Variants in NAA35 observed in about 807,000 individuals in gnomAD.
NAA35 encodes the protein N-alpha-acetyltransferase 35, NatC auxiliary subunit.
NAA35 carries 18 observed loss-of-function variants against 101.7 expected under a neutral mutation model. The ratio of observed to expected loss-of-function variants is 0.18; its 90% CI spans 0.12 to 0.26. The LOEUF (loss-of-function observed/expected upper bound fraction) is 0.26. NAA35 is among the 10% of genes least tolerant of loss of function. NAA35 has a pLI of 1.00. For synonymous variants in NAA35, 267 were observed against 273.1 expected (o/e 0.98, Z 0.22); for missense variants, 601 against 886.8 (o/e 0.68, Z 4.09).
At chr9:85,987,674 C>T (rs1830710606) in intron 11 of NAA35, among the ~76,000 whole-genome samples, 1 of 152,130 alleles carries the variant, frequency 6.6e-6, no homozygotes, top group Non-Finnish European at 1.5e-5. Context: ...TCTCTAAAAC[C>T]AGCCAAAATC....
chr9:85,974,852 C>T (rs753990207), intron 6 of NAA35, 115 bp from the exon 7 acceptor site: 1 of 727,812 alleles, frequency 1.4e-6, no homozygotes, highest in South Asian at 1.8e-5. Flanking sequence ...CCTCCCATTT[C>T]TCTTTGTTTA....
rs766371180 is a variant in NAA35, at chr9:86,017,500, C to T, written c.1708C>T (p.Arg570Cys). The change falls in exon 19 of 23, where the codon CGC (arginine) becomes TGC (cysteine). Residue 570 changes from arginine to cysteine, a missense_variant and splice_region_variant. Arg to Cys is a radical substitution (Grantham distance 180, BLOSUM62 -3). Coordinates refer to ENST00000361671, the MANE Select transcript of NAA35 (RefSeq NM_024635.4). Reference sequence around the variant, plus strand: ...TACGTTTTTCTTTCTAATTACAGTTCGCCCATTGAGCCGAGAGATCACAAT... The same window carrying T: ...TACGTTTTTCTTTCTAATTACAGTTTGCCCATTGAGCCGAGAGATCACAAT... ...SKKTKKKKKVRPLSREITMSQ... is the reference protein window; with the variant it reads ...SKKTKKKKKVCPLSREITMSQ... 1.2e-6 allele frequency: 2 copies of T among 1,613,150 alleles called. No homozygotes were observed. The highest frequency in any genetic ancestry group is 1.7e-6 in the Non-Finnish European group (2 of 1,179,402).
intron 6 of NAA35, among the ~76,000 whole-genome samples, chr9:85,963,562 C>T (rs2117909365): frequency 6.6e-6 from 1 of 152,120 alleles, no homozygotes; most frequent in Admixed American, 6.5e-5. Context: ...AACCACTGTT[C>T]CTGGCTGTAT....
At chr9:85,945,258 G>T (rs562893044) in intron 2 of NAA35, among the ~76,000 whole-genome samples, 6 of 152,152 alleles carry the variant, frequency 3.9e-5, no homozygotes, top group Admixed American at 3.3e-4. Flanking sequence ...GCGCAAATGT[G>T]AGGTATCCTT....
rs538879545 is a variant in NAA35 at position 86,007,693 on chromosome 9, G to A, written c.1223+229G>A. On this transcript the variant is annotated intron_variant, in intron 14 of 22. Transcript: ENST00000361671. Reference sequence around the variant, plus strand: ...TAACTCCAAGTTTTTTGTCTCCAGCGTAAGTCCTTAAACTTTGCCGTAGTA... The same window carrying A: ...TAACTCCAAGTTTTTTGTCTCCAGCATAAGTCCTTAAACTTTGCCGTAGTA... 4.6e-5 allele frequency among the ~76,000 whole-genome samples: 7 copies of A among 152,256 alleles called. No individual in the cohort carries two copies. In the East Asian group the frequency reaches 5.8e-4, roughly 13 times the overall value.
intron 2 of NAA35, among the ~76,000 whole-genome samples, chr9:85,952,363 A>G (rs1392484124): frequency 1.4e-5 from 2 of 147,140 alleles, no homozygotes; most frequent in Non-Finnish European, 1.5e-5. Flanking sequence ...TCGGCTCACT[A>G]CAACTTCTAC....
chr9:85,996,493 A>C lies in NAA35; in HGVS notation c.972A>C (p.Glu324Asp). ...ATGCAAAAATAATTAAAAGGGAAGA[A>C]ATGGTGAACTATTTTGCAAGATTAA... ...PRYAKIIKRE[E>D]MVNYFARLID... is the part of the protein sequence containing the mutation. The change falls in exon 12 of 23, where the codon GAA becomes GAC. Residue 324 changes from glutamate to aspartate, a missense_variant. Physicochemically the swap from Glu to Asp is conservative, Grantham distance 45. Around this residue, in one of 8 missense-constraint regions of NAA35, gnomAD observed 190 missense variants for 223.1 expected, o/e 0.85. Transcript: ENST00000361671. 6.2e-7 allele frequency: 1 copy of C among 1,607,440 alleles called. No homozygotes were observed. Among genetic ancestry groups the C allele is most frequent in the Non-Finnish European group, 8.5e-7 (1 of 1,177,638 alleles).
intron 2 of NAA35, among the ~76,000 whole-genome samples, chr9:85,945,172 G>T (rs962865250): frequency 6.6e-6 from 1 of 152,098 alleles, no homozygotes; most frequent in Non-Finnish European, 1.5e-5. Flanking sequence ...GATAGAGAGG[G>T]GGTGACATGC....
At chr9:85,997,893 A>G (rs945842031) in intron 12 of NAA35, among the ~76,000 whole-genome samples, 10 of 151,592 alleles carry the variant, frequency 6.6e-5, no homozygotes, top group Non-Finnish European at 1.3e-4. Flanking sequence ...ATATTTATGT[A>G]TGTGTGTGTG....
intron 1 of NAA35, chr9:85,941,481 C>G (rs1308717593): frequency 1.0e-6 from 1 of 985,448 alleles, no homozygotes; most frequent in Non-Finnish European, 1.2e-6. Context: ...AGGCGACGAC[C>G]CGGCGCCGGA....
Position 85,978,279 on chromosome 9 carries a change from G to A in NAA35, c.775G>A (p.Ala259Thr), listed in dbSNP as rs1215139066. 1 of 1,610,152 alleles carries A rather than the reference G, an allele frequency of 6.2e-7. No homozygotes were observed. The highest frequency in any genetic ancestry group is 1.7e-4 in the Middle Eastern group (1 of 6,048). Residue 259 changes from alanine to threonine, a missense_variant, in exon 11 of 23, where the codon GCA becomes ACA. By Grantham distance (58) the Ala-to-Thr change is moderately conservative. Around this residue, in one of 8 missense-constraint regions of NAA35, gnomAD observed 190 missense variants for 223.1 expected, o/e 0.85. Transcript: ENST00000361671. The part of the protein sequence containing the change: ...AFTKKETSAV[A>T]EAQKLMVQAA... ...ATTTATTTGCTAGACCAGTGCTGTT[G>A]CAGAAGCTCAAAAATTGATGGTTCA... is the stretch of plus-strand genomic sequence containing the variant.
intron 2 of NAA35, among the ~76,000 whole-genome samples, chr9:85,951,663 A>AT (rs890675021): frequency 8.0e-5 from 12 of 150,686 alleles, no homozygotes; most frequent in East Asian, 3.9e-4. Context: ...TCTTCCAAAA[A>AT]TTTTTTTTTT....
At chr9:85,945,024 A>G (rs934812590) in intron 2 of NAA35, among the ~76,000 whole-genome samples, 2 of 152,222 alleles carry the variant, frequency 1.3e-5, no homozygotes, top group African/African-American at 2.4e-5. Context: ...TGTAAGAAAA[A>G]TTGAACCCAA....
rs1241348580 is a variant in NAA35 at position 85,975,083 on chromosome 9, T to G, written c.584-31T>G. On this transcript the variant is annotated intron_variant, in intron 7 of 22. Transcript: ENST00000361671. ...CACAAGTTTTACATTTTCATATGTT[T>G]CCTTTTAAAACTTATTGTTTCTTTT... The G allele has an allele frequency of 5.0e-6, 8 of 1,612,346 alleles. No homozygotes were observed. The African/African-American group carries it at 1.1e-4, about 22-fold the overall frequency.
At chr9:85,984,462 G>A (rs942030505) in intron 11 of NAA35, among the ~76,000 whole-genome samples, 1 of 152,180 alleles carries the variant, frequency 6.6e-6, no homozygotes, top group Non-Finnish European at 1.5e-5. Context: ...TGTTGAGGTG[G>A]CATATGATTA....
intron 2 of NAA35, among the ~76,000 whole-genome samples, chr9:85,950,602 G>GCT (rs1828976927): frequency 6.6e-6 from 1 of 152,114 alleles, no homozygotes; most frequent in South Asian, 2.1e-4. Flanking sequence ...TTTTACAGAT[G>GCT]AGGAAACCAA....
intron 2 of NAA35, among the ~76,000 whole-genome samples, chr9:85,951,384 T>C (rs1829013925): frequency 2.6e-5 from 4 of 152,182 alleles, no homozygotes; most frequent in Admixed American, 2.6e-4. Flanking sequence ...TCACCAAATA[T>C]GTAGTTGAAA....
intron 3 of NAA35, among the ~76,000 whole-genome samples, chr9:85,957,883 G>C (rs191123597): frequency 3.9e-5 from 6 of 151,992 alleles, no homozygotes; most frequent in Admixed American, 3.9e-4. Flanking sequence ...AGATTGCTGG[G>C]TCCTACCCCG....
At chr9:85,965,972 T>C (rs1356989620) in intron 6 of NAA35, among the ~76,000 whole-genome samples, 1 of 152,152 alleles carries the variant, frequency 6.6e-6, no homozygotes, top group Non-Finnish European at 1.5e-5. Flanking sequence ...GGGGTTCCAC[T>C]TTGTTACCCA....
Sources: gnomAD v4.1 joint callset for allele counts (sites outside exome capture counted in the v4.1 genomes callset) on GRCh38, gnomAD v4.1.1 for gene constraint, gnomAD v4.1.1 regional missense constraint, MANE v1.5 for transcripts, NCBI Gene and HGNC (gene_info 2026-07-23, HGNC 2026-07-21) for gene names.